Variants in BCL2L11 observed in about 807,000 individuals in gnomAD.
BCL2L11 encodes bcl-2-like protein 11.
BCL2L11 carries 15 observed loss-of-function variants against 20.6 expected under a neutral mutation model. That is an observed-to-expected ratio of 0.73 (90% CI 0.49 to 1.12). The LOEUF is 1.12. Among genes scored for constraint, BCL2L11 ranks in the 50% most tolerant of loss-of-function variants. BCL2L11 has a pLI of 0.00. For missense variants in BCL2L11, 292 were observed against 260.9 expected, an observed-to-expected ratio of 1.12 and a Z score of -0.82; for synonymous variants, 108 against 92.8, an observed-to-expected ratio of 1.16 and a Z score of -0.94.
At chr2:111,123,086 G>A (rs1574860298) in intron 1 of BCL2L11, 1 of 976,156 alleles carries the variant, frequency 1.0e-6, no homozygotes, top group Non-Finnish European at 1.2e-6. Flanking sequence ...TGCACCTCAC[G>A]GTGTGCACCT....
intron 3 of BCL2L11, chr2:111,163,523 C>T (rs1032119553): frequency 1.3e-5 from 2 of 152,374 alleles, no homozygotes; most frequent in Admixed American, 1.3e-4. Context: ...TGGTCACTGA[C>T]ACAGAGACTT....
intron 2 of BCL2L11, among the ~76,000 whole-genome samples, chr2:111,139,030 G>A (rs543766714): frequency 5.3e-5 from 8 of 152,246 alleles, no homozygotes; most frequent in Non-Finnish European, 7.4e-5. Flanking sequence ...AGGAGCTGTC[G>A]TTCCAGGAGT....
intron 2 of BCL2L11, among the ~76,000 whole-genome samples, chr2:111,132,444 A>T (rs1368397494): frequency 6.6e-6 from 1 of 152,212 alleles, no homozygotes; most frequent in Non-Finnish European, 1.5e-5. Flanking sequence ...AGAATCTGTT[A>T]ACAGGTATTG....
chr2:111,146,815 A>G (rs1276020354), intron 2 of BCL2L11, among the ~76,000 whole-genome samples: 3 of 152,256 alleles, frequency 2.0e-5, no homozygotes, highest in African/African-American at 7.2e-5. Flanking sequence ...CTTTTAAAAT[A>G]CAGGAATAAA....
chr2:111,146,135 T>G, intron 2 of BCL2L11: 1 of 985,390 alleles, frequency 1.0e-6, no homozygotes. Flanking sequence ...CTTTCATAAA[T>G]GCTGAAACTA....
At chr2:111,146,155 T>C (rs2076482871) in intron 2 of BCL2L11, 2 of 985,386 alleles carry the variant, frequency 2.0e-6, no homozygotes, top group East Asian at 1.1e-4. Flanking sequence ...ACATTTTCTG[T>C]GGGTAAAAAT....
At chr2:111,141,129 C>T (rs1575058261) in intron 2 of BCL2L11, among the ~76,000 whole-genome samples, 1 of 152,204 alleles carries the variant, frequency 6.6e-6, no homozygotes, top group Admixed American at 6.5e-5. Flanking sequence ...AGTGTTAGGG[C>T]CATGGCCCTT....
chr2:111,161,839 A>G (rs926353925), intron 3 of BCL2L11, among the ~76,000 whole-genome samples: 1 of 152,166 alleles, frequency 6.6e-6, no homozygotes, highest in African/African-American at 2.4e-5. Context: ...CCCCAAAACC[A>G]AAGGCCCTGG....
chr2:111,158,707 T>C (rs1225129196), intron 3 of BCL2L11, among the ~76,000 whole-genome samples: 2 of 151,070 alleles, frequency 1.3e-5, no homozygotes, highest in African/African-American at 5.0e-5. Flanking sequence ...GAATGCCTCT[T>C]AGAATTAGGA....
At position 111,121,105 on chromosome 2, in the gene BCL2L11, T is replaced by C. The variant is rs2070799675; in HGVS notation, c.-97T>C. On this transcript the variant is annotated 5_prime_UTR_variant, in exon 1 of 4. Transcript: ENST00000393256. ...CATCGCGGTATTCGGTTCGCTGCGT[T>C]CCCGCCGCCACCGCCTCGGCGCCCT... is the stretch of plus-strand genomic sequence containing the variant. The C allele has an allele frequency of 1.7e-5, 5 of 293,172 alleles. No individual in the cohort carries two copies. The highest frequency in any genetic ancestry group is 3.2e-5 in the Non-Finnish European group (5 of 158,590). 18.2% of individuals were successfully genotyped at this position (293,172 alleles called of 1,614,324 possible).
chr2:111,152,611 G>A (rs1254380121), intron 3 of BCL2L11, among the ~76,000 whole-genome samples: 5 of 152,146 alleles, frequency 3.3e-5, no homozygotes, highest in Non-Finnish European at 5.9e-5. Flanking sequence ...CCCAGTCCCC[G>A]GCCATCCTCT....
chr2:111,163,510 T>C (rs2078823007), intron 3 of BCL2L11: 1 of 152,432 alleles, frequency 6.6e-6, no homozygotes, highest in Non-Finnish European at 1.5e-5. Flanking sequence ...AACAAACATA[T>C]GCTGGTCACT....
chr2:111,122,946 T>C (rs776048660), intron 1 of BCL2L11: 50 of 985,280 alleles, frequency 5.1e-5, no homozygotes, highest in Non-Finnish European at 5.9e-5. Flanking sequence ...GTGATTGCCT[T>C]CTGAGGGGAG....
At chr2:111,148,689 G>C (rs563024610) in intron 2 of BCL2L11, among the ~76,000 whole-genome samples, 2 of 152,322 alleles carry the variant, frequency 1.3e-5, no homozygotes, top group African/African-American at 4.8e-5. Context: ...ACAGACTGCA[G>C]ATAACTCTGG....
rs76245002 is a variant in BCL2L11, at chr2:111,161,417, A to G, written c.499-2716A>G. 4.2e-3 allele frequency: 6,494 copies of G among 1,550,550 alleles called. 213 individuals are homozygous for G. The African/African-American group carries it at 0.077, about 18-fold the overall frequency. Reference sequence around the variant, plus strand: ...GAACTTAAATGCACTTTTGATTCACAGATGCCTCTTCCACCTGATTAAGAA... The same window carrying G: ...GAACTTAAATGCACTTTTGATTCACGGATGCCTCTTCCACCTGATTAAGAA... On this transcript the variant is annotated intron_variant, in intron 3 of 3. Coordinates refer to ENST00000393256, the MANE Select transcript of BCL2L11 (RefSeq NM_138621.5).
Position 111,159,631 on chromosome 2 carries a change from T to A in BCL2L11, c.499-4502T>A, listed in dbSNP as rs570373774. 2.0e-5 allele frequency among the ~76,000 whole-genome samples: 3 copies of A among 152,080 alleles called. No homozygotes were observed. The East Asian group carries it at 5.8e-4, about 29-fold the overall frequency. On this transcript the variant is annotated intron_variant, in intron 3 of 3. Coordinates refer to ENST00000393256, the MANE Select transcript of BCL2L11 (RefSeq NM_138621.5). Reference sequence around the variant, plus strand: ...TGCTTCCCTGGACTGAGCAAGAGAGTGGTGTTCTGTGATTATTTTGGCATT... The same window carrying A: ...TGCTTCCCTGGACTGAGCAAGAGAGAGGTGTTCTGTGATTATTTTGGCATT...
intron 1 of BCL2L11, among the ~76,000 whole-genome samples, chr2:111,121,851 C>T (rs983563045): frequency 6.6e-6 from 1 of 152,220 alleles, no homozygotes; most frequent in Non-Finnish European, 1.5e-5. Context: ...CTAGGTCCTC[C>T]CCTGACCACC....
chr2:111,158,264 A>G (rs1481952590), intron 3 of BCL2L11, among the ~76,000 whole-genome samples: 1 of 152,142 alleles, frequency 6.6e-6, no homozygotes, highest in Non-Finnish European at 1.5e-5. Flanking sequence ...CTGGGTTATG[A>G]ACGAGTCGTG....
At chr2:111,155,421 G>C (rs1458662082) in intron 3 of BCL2L11, among the ~76,000 whole-genome samples, 1 of 150,408 alleles carries the variant, frequency 6.6e-6, no homozygotes, top group Non-Finnish European at 1.5e-5. Flanking sequence ...CTCTGTAGAT[G>C]TGGGCCGGAG....
Sources: allele counts gnomAD v4.1 joint callset (sites outside exome capture counted in the v4.1 genomes callset), GRCh38; gene constraint gnomAD v4.1.1; transcripts MANE v1.5; gene names NCBI Gene and HGNC (gene_info 2026-07-23, HGNC 2026-07-21).